KCNK12: variants seen among roughly 807,000 people sequenced by gnomAD.
The protein encoded by KCNK12 is potassium channel subfamily K member 12.
In KCNK12, 6 loss-of-function variants were observed where a neutral mutation model predicts 25.3. That is an observed-to-expected ratio of 0.24 (90% CI 0.13 to 0.47). The LOEUF (loss-of-function observed/expected upper bound fraction) is 0.47, where lower values mean the gene tolerates loss of function less well. Among genes scored for constraint, KCNK12 ranks in the 20% least tolerant of loss-of-function variants. The pLI is 0.99. For synonymous variants in KCNK12, 331 were observed against 311.1 expected (o/e 1.06, Z -0.67); for missense variants, 444 against 661.7 (o/e 0.67, Z 3.61).
In KCNK12 at chr2:47,511,823, T is replaced by C. The variant is rs1250891135; in HGVS notation, c.*9084A>G. Among the ~76,000 whole-genome samples the C allele has an allele frequency of 6.6e-6, 1 of 152,228 alleles. No homozygotes were observed. The highest frequency in any genetic ancestry group is 6.5e-5 in the Admixed American group (1 of 15,278). On this transcript the variant is annotated 3_prime_UTR_variant, in exon 2 of 2. Coordinates refer to ENST00000327876, the MANE Select transcript of KCNK12 (RefSeq NM_022055.2). This position sits in a 1 kb window ranked among gnomAD's most constrained non-coding sequence, Gnocchi z 4.3. The stretch of plus-strand genomic sequence containing the variant: ...TTTCTGCAGTGACAGAAATGTTCTA[T>C]ATCTGTGCTATCCAATATGGTAGCC...
At position 47,510,633 on chromosome 2, in the gene KCNK12, A is replaced by T. The variant is rs533921810; in HGVS notation, c.*10274T>A. Among the ~76,000 whole-genome samples, 20 of 152,194 alleles carry T rather than the reference A, an allele frequency of 1.3e-4. No individual in the cohort carries two copies. The highest frequency in any genetic ancestry group is 2.6e-4 in the Non-Finnish European group (18 of 68,028). On this transcript the variant is annotated 3_prime_UTR_variant, in exon 2 of 2. Transcript: ENST00000327876. The stretch of plus-strand genomic sequence containing the variant: ...TGAATATGACCAACTCTCGTCGTTT[A>T]TCTCTATTCAGTGGAACACAGCAGC...
At position 47,530,699 on chromosome 2, in the gene KCNK12, C is replaced by T. The variant is rs553189265; in HGVS notation, c.392-8891G>A. Among the ~76,000 whole-genome samples the T allele has an allele frequency of 2.9e-4, 44 of 152,272 alleles. 1 individual carries two copies. The highest frequency in any genetic ancestry group is 2.5e-3 in the South Asian group (12 of 4,814). ...AACATCTCTAAAATCGTGCATCTTA[C>T]AGTCAATGGCCTGATAGTTTATTTG... On this transcript the variant is annotated intron_variant, in intron 1 of 1. Transcript: ENST00000327876.
Position 47,533,624 on chromosome 2 carries a change from C to T in KCNK12, c.392-11816G>A, listed in dbSNP as rs1668986511. Reference sequence around the variant, plus strand: ...CCTCCATCTCCCCACCTCTGGCTCACTTCCTGCTTTGGCCCCTACGCTGGG... The same window carrying T: ...CCTCCATCTCCCCACCTCTGGCTCATTTCCTGCTTTGGCCCCTACGCTGGG... On this transcript the variant is annotated intron_variant, in intron 1 of 1. Transcript: ENST00000327876. The surrounding 1 kb of genome is among the most constrained non-coding windows in gnomAD (Gnocchi z 4.7). Among the ~76,000 whole-genome samples the T allele has an allele frequency of 6.6e-6, 1 of 152,232 alleles. No homozygotes were observed. The highest frequency in any genetic ancestry group is 1.5e-5 in the Non-Finnish European group (1 of 68,032).
At chr2:47,522,676 C>T (rs904369625) in intron 1 of KCNK12, among the ~76,000 whole-genome samples, 1 of 152,148 alleles carries the variant, frequency 6.6e-6, no homozygotes, top group African/African-American at 2.4e-5. Context: ...AGAGAAAGGA[C>T]CATATTTTCT....
In KCNK12 at chr2:47,555,347, G is replaced by A. The variant is rs1669530085; in HGVS notation, c.391+14594C>T. On this transcript the variant is annotated intron_variant, in intron 1 of 1. Transcript: ENST00000327876. This position sits in a 1 kb window ranked among gnomAD's most constrained non-coding sequence, Gnocchi z 4.5. ...ATCCTCCCCTATCTGCCTAAAGGCA[G>A]GACATAAATTTCCCTTTGCCAAGGT... Among the ~76,000 whole-genome samples the A allele has an allele frequency of 6.6e-6, 1 of 152,198 alleles. No individual in the cohort carries two copies. Among genetic ancestry groups the A allele is most frequent in the African/African-American group, 2.4e-5 (1 of 41,462 alleles).
intron 1 of KCNK12, among the ~76,000 whole-genome samples, chr2:47,546,640 G>A (rs1046769321): frequency 1.3e-5 from 2 of 152,214 alleles, no homozygotes; most frequent in African/African-American, 4.8e-5. Context: ...CTGGGTGACA[G>A]AGAGAGACTC....
chr2:47,512,261 G>A lies in KCNK12; in HGVS notation c.*8646C>T, dbSNP rs760403599. 33 of 1,607,868 alleles carry A rather than the reference G, an allele frequency of 2.1e-5. No individual in the cohort carries two copies. In the Middle Eastern group the frequency reaches 5.0e-4, roughly 24 times the overall value. ...AGTATCGTTCTTGATGGAAATCCCCGTGGAACTCCTACATTTTCTCCTCTC... is the reference window on the plus strand; with the variant it reads ...AGTATCGTTCTTGATGGAAATCCCCATGGAACTCCTACATTTTCTCCTCTC... On this transcript the variant is annotated 3_prime_UTR_variant, in exon 2 of 2. Coordinates refer to ENST00000327876, the MANE Select transcript of KCNK12 (RefSeq NM_022055.2).
Position 47,510,667 on chromosome 2 carries a change from C to T in KCNK12, c.*10240G>A, listed in dbSNP as rs1668379018. Among the ~76,000 whole-genome samples, 3 of 152,172 alleles carry T rather than the reference C, an allele frequency of 2.0e-5. No individual in the cohort carries two copies. In the South Asian group the frequency reaches 6.2e-4, roughly 32 times the overall value. On this transcript the variant is annotated 3_prime_UTR_variant, in exon 2 of 2. Transcript: ENST00000327876. ...CAGTGGAACACAGCAGCACTGTGAC[C>T]TGCCCACGAGAAGAAGGATTTTTAG...
chr2:47,534,439 C>CT (rs978042014), intron 1 of KCNK12, among the ~76,000 whole-genome samples: 11 of 144,420 alleles, frequency 7.6e-5, no homozygotes, highest in Non-Finnish European at 1.1e-4. Flanking sequence ...CAGGCCCCCC[C>CT]CACCGCCACC....
At chr2:47,568,609 T>C (rs1298784098) in intron 1 of KCNK12, among the ~76,000 whole-genome samples, 2 of 147,368 alleles carry the variant, frequency 1.4e-5, no homozygotes, top group East Asian at 1.9e-4. Context: ...GGAGGCAGCC[T>C]CTCTCCCTGC....
chr2:47,569,821 G>T lies in KCNK12; in HGVS notation c.391+120C>A. ...GGAGAAGAGGGCGAGACGAAAGTAA[G>T]CAAAGGGACATTAGAAGGGAAGGCA... On this transcript the variant is annotated intron_variant, in intron 1 of 1. Coordinates refer to ENST00000327876, the MANE Select transcript of KCNK12 (RefSeq NM_022055.2). This position sits in a 1 kb window ranked among gnomAD's most constrained non-coding sequence, Gnocchi z 4.1. 3.8e-6 allele frequency: 3 copies of T among 797,088 alleles called. No homozygotes were observed. Among genetic ancestry groups the T allele is most frequent in the Non-Finnish European group, 5.2e-6 (3 of 576,044 alleles). 49.4% of individuals were successfully genotyped at this position (797,088 alleles called of 1,614,324 possible).
At chr2:47,521,877 G>A in intron 1 of KCNK12, 69 bp from the exon 2 acceptor site, 3 of 1,299,582 alleles carry the variant, frequency 2.3e-6, no homozygotes, top group South Asian at 1.6e-5. Context: ...GAGGGTGGGG[G>A]GTGTGGGGGC....
chr2:47,546,190 G>C (rs994753575), intron 1 of KCNK12, among the ~76,000 whole-genome samples: 5 of 152,202 alleles, frequency 3.3e-5, no homozygotes, highest in African/African-American at 1.2e-4. Flanking sequence ...TATTGCAAAG[G>C]CATATCAATC....
chr2:47,529,274 T>C lies in KCNK12; in HGVS notation c.392-7466A>G, dbSNP rs963965734. The C allele has an allele frequency of 1.3e-5, 2 of 152,180 alleles. No individual in the cohort carries two copies. Among genetic ancestry groups the C allele is most frequent in the Admixed American group, 1.3e-4 (2 of 15,284 alleles). 9.4% of individuals were successfully genotyped at this position (152,180 alleles called of 1,614,324 possible). The stretch of plus-strand genomic sequence containing the variant: ...TGGGACACATGATTAAAATGCAGAT[T>C]CCATGGCAGGTCCCGCTCAGAGGTT... On this transcript the variant is annotated intron_variant, in intron 1 of 1. Transcript: ENST00000327876. This position sits in a 1 kb window ranked among gnomAD's most constrained non-coding sequence, Gnocchi z 4.3.
intron 1 of KCNK12, among the ~76,000 whole-genome samples, chr2:47,530,424 G>A (rs1668894235): frequency 6.6e-6 from 1 of 152,158 alleles, no homozygotes; most frequent in Non-Finnish European, 1.5e-5. Flanking sequence ...CCCCCGGGGA[G>A]GACAACCGAC....
rs1669347179 is a variant in KCNK12 at position 47,547,954 on chromosome 2, T to C, written c.391+21987A>G. ...GGAGGAGGGGCGTGGTGGGAAGTGA[T>C]TGGAACATGGGGGTGGATTTCCCCC... On this transcript the variant is annotated intron_variant, in intron 1 of 1. Coordinates refer to ENST00000327876, the MANE Select transcript of KCNK12 (RefSeq NM_022055.2). This position sits in a 1 kb window ranked among gnomAD's most constrained non-coding sequence, Gnocchi z 5.0. 6.6e-6 allele frequency among the ~76,000 whole-genome samples: 1 copy of C among 152,156 alleles called. No homozygotes were observed. Among genetic ancestry groups the C allele is most frequent in the African/African-American group, 2.4e-5 (1 of 41,428 alleles).
rs1271296962 is a variant in KCNK12 at position 47,566,399 on chromosome 2, A to G, written c.391+3542T>C. The G allele has an allele frequency of 6.6e-6, 1 of 151,800 alleles. No homozygotes were observed. Among genetic ancestry groups the G allele is most frequent in the Non-Finnish European group, 1.5e-5 (1 of 67,910 alleles). The allele number at this position is 151,800 out of a possible 1,614,324, so 9.4% of individuals were successfully genotyped here. On this transcript the variant is annotated intron_variant, in intron 1 of 1. Coordinates refer to ENST00000327876, the MANE Select transcript of KCNK12 (RefSeq NM_022055.2). This position sits in a 1 kb window ranked among gnomAD's most constrained non-coding sequence, Gnocchi z 4.1. Reference sequence around the variant, plus strand: ...CCTCCTCTATACACATGTGCTCTCAAGAGTGTGTGTGTGCACGTGTGTACA... The same window carrying G: ...CCTCCTCTATACACATGTGCTCTCAGGAGTGTGTGTGTGCACGTGTGTACA...
rs1374199857 is a variant in KCNK12 at position 47,569,429 on chromosome 2, G to A, written c.391+512C>T. Among the ~76,000 whole-genome samples the A allele has an allele frequency of 6.6e-6, 1 of 152,126 alleles. No homozygotes were observed. The highest frequency in any genetic ancestry group is 1.5e-5 in the Non-Finnish European group (1 of 68,024). On this transcript the variant is annotated intron_variant, in intron 1 of 1. Transcript: ENST00000327876. The surrounding 1 kb of genome is among the most constrained non-coding windows in gnomAD (Gnocchi z 4.1). ...AGTGGGAAGGAGATGTAGGGAAAGTGATCCTGGGGCAAGTGGTCACCCTCT... is the reference window on the plus strand; with the variant it reads ...AGTGGGAAGGAGATGTAGGGAAAGTAATCCTGGGGCAAGTGGTCACCCTCT...
At chr2:47,523,319 T>C (rs1413415361) in intron 1 of KCNK12, among the ~76,000 whole-genome samples, 1 of 152,214 alleles carries the variant, frequency 6.6e-6, no homozygotes, top group Non-Finnish European at 1.5e-5. Context: ...AGACTGAGCA[T>C]GGCTCTGCCA....
Sources: gnomAD v4.1 joint callset for allele counts (sites outside exome capture counted in the v4.1 genomes callset) on GRCh38, gnomAD v4.1.1 for gene constraint, Gnocchi (gnomAD v3.1) non-coding constraint, MANE v1.5 for transcripts, NCBI Gene and HGNC (gene_info 2026-07-23, HGNC 2026-07-21) for gene names.